GLRX3: variants seen among roughly 807,000 people sequenced by gnomAD.
GLRX3 encodes glutaredoxin-3.
A neutral mutation model predicts 49.5 loss-of-function variants in GLRX3; 22 were observed. That is an observed-to-expected ratio of 0.44 (90% CI 0.32 to 0.63). The LOEUF (loss-of-function observed/expected upper bound fraction) is 0.63. GLRX3 is among the 30% of genes least tolerant of loss of function. The pLI is 0.05. For synonymous variants in GLRX3, 133 were observed against 140.0 expected (o/e 0.95, Z 0.35); for missense variants, 385 against 396.3 (o/e 0.97, Z 0.24).
intron 1 of GLRX3, among the ~76,000 whole-genome samples, chr10:130,144,465 C>CCG (rs1862234022): frequency 6.6e-6 from 1 of 152,042 alleles, no homozygotes; most frequent in Non-Finnish European, 1.5e-5. Flanking sequence ...CCTTGCCCCC[C>CCG]ACCCCCTGAC....
chr10:130,176,788 C>T (rs1357765089), intron 10 of GLRX3, among the ~76,000 whole-genome samples: 3 of 136,316 alleles, frequency 2.2e-5, no homozygotes, highest in Non-Finnish European at 4.7e-5. Context: ...CTCTCTCTCT[C>T]TCTCTATATA....
At chr10:130,166,219 ATAACTT>A (rs1395728840) in intron 4 of GLRX3, among the ~76,000 whole-genome samples, 5 of 151,762 alleles carry the variant, frequency 3.3e-5, no homozygotes, top group African/African-American at 9.7e-5. Context: ...ATATTGAAGA[ATAACTT>A]TAATAAATAC....
chr10:130,161,016 C>A lies in GLRX3; in HGVS notation c.478+19C>A. 1 of 1,580,924 alleles carries A rather than the reference C, an allele frequency of 6.3e-7. No homozygotes were observed. Among genetic ancestry groups the A allele is most frequent in the Admixed American group, 1.7e-5 (1 of 59,972 alleles). ...CGCTGTGGTAAGAAGCTGCCTTTAACATAATATAAACAAAATGGGTGCTTT... is the reference window on the plus strand; with the variant it reads ...CGCTGTGGTAAGAAGCTGCCTTTAAAATAATATAAACAAAATGGGTGCTTT... On this transcript the variant is annotated intron_variant, in intron 4 of 10. Coordinates refer to ENST00000331244, the MANE Select transcript of GLRX3 (RefSeq NM_006541.5).
intron 10 of GLRX3, among the ~76,000 whole-genome samples, 157 bp downstream of exon 10, chr10:130,175,246 A>C (rs1420045628): frequency 6.6e-6 from 1 of 152,204 alleles, no homozygotes; most frequent in Non-Finnish European, 1.5e-5. Context: ...TTCTGTGTGC[A>C]TGACTACCCT....
At chr10:130,152,602 A>ATTATT (rs1157723956) in intron 2 of GLRX3, among the ~76,000 whole-genome samples, 1 of 152,062 alleles carries the variant, frequency 6.6e-6, no homozygotes, top group Non-Finnish European at 1.5e-5. Context: ...TGGGTTGAAA[A>ATTATT]TTCTTTAAGA....
At chr10:130,163,963 T>G (rs1198415180) in intron 4 of GLRX3, among the ~76,000 whole-genome samples, 2 of 152,252 alleles carry the variant, frequency 1.3e-5, no homozygotes, top group African/African-American at 4.8e-5. Flanking sequence ...TTGATGTTTG[T>G]TTTTTGATTA....
intron 4 of GLRX3, among the ~76,000 whole-genome samples, chr10:130,162,912 TGGA>T (rs1312747178): frequency 1.3e-5 from 2 of 152,182 alleles, no homozygotes; most frequent in African/African-American, 4.8e-5. Context: ...GAGCCAATCT[TGGA>T]GGGCCTTTTC....
At chr10:130,149,137 C>T (rs931054501) in intron 2 of GLRX3, among the ~76,000 whole-genome samples, 27 of 152,100 alleles carry the variant, frequency 1.8e-4, no homozygotes, top group African/African-American at 6.5e-4. Context: ...TTACCTGAGT[C>T]ACTGCCATGT....
chr10:130,162,223 G>T (rs1218107310), intron 4 of GLRX3, among the ~76,000 whole-genome samples: 2 of 152,112 alleles, frequency 1.3e-5, no homozygotes, highest in Non-Finnish European at 2.9e-5. Context: ...CAGGTGATCC[G>T]CCTGCCTTGG....
At chr10:130,164,730 A>G (rs1486235792) in intron 4 of GLRX3, among the ~76,000 whole-genome samples, 2 of 152,218 alleles carry the variant, frequency 1.3e-5, no homozygotes, top group African/African-American at 4.8e-5. Context: ...TGCCACTTTA[A>G]CTCTTAAAAA....
At chr10:130,144,712 C>T (rs7073897) in intron 1 of GLRX3, among the ~76,000 whole-genome samples, 32,846 of 152,138 alleles carry the variant, frequency 0.22, 3,877 homozygotes, top group South Asian at 0.3. Flanking sequence ...CTGTCATTGA[C>T]AGGCATTTGG....
intron 8 of GLRX3, among the ~76,000 whole-genome samples, chr10:130,174,539 A>G (rs545691221): frequency 6.6e-6 from 1 of 152,298 alleles, no homozygotes; most frequent in South Asian, 2.1e-4. Flanking sequence ...CAGTTGCAGC[A>G]GAGAGCAGAA....
chr10:130,171,327 T>C (rs1564999082), intron 7 of GLRX3, among the ~76,000 whole-genome samples: 1 of 152,102 alleles, frequency 6.6e-6, no homozygotes, highest in Non-Finnish European at 1.5e-5. Context: ...CCACAGAGAA[T>C]ATAAACTGTT....
intron 2 of GLRX3, among the ~76,000 whole-genome samples, chr10:130,150,510 T>C (rs1290097685): frequency 6.6e-6 from 1 of 152,210 alleles, no homozygotes; most frequent in Non-Finnish European, 1.5e-5. Flanking sequence ...GTACTTGCAT[T>C]TTATTTTCAT....
chr10:130,151,117 G>A (rs1339495399), intron 2 of GLRX3, among the ~76,000 whole-genome samples: 5 of 151,916 alleles, frequency 3.3e-5, no homozygotes, highest in African/African-American at 9.7e-5. Flanking sequence ...TAGTAGAGAC[G>A]GGGTTTCACC....
chr10:130,159,941 A>G, intron 2 of GLRX3, 54 bp from the exon 3 acceptor site: 1 of 1,313,178 alleles, frequency 7.6e-7, no homozygotes, highest in Non-Finnish European at 1.1e-6. Context: ...TTACATATTA[A>G]AGTAGTGAAA....
At chr10:130,140,280 A>C (rs1241413311) in intron 1 of GLRX3, among the ~76,000 whole-genome samples, 2 of 152,212 alleles carry the variant, frequency 1.3e-5, no homozygotes, top group Non-Finnish European at 2.9e-5. Flanking sequence ...ATTAGTCAGG[A>C]TTTGAATGTG....
intron 10 of GLRX3, among the ~76,000 whole-genome samples, chr10:130,176,484 C>T (rs577006756): frequency 6.6e-6 from 1 of 152,278 alleles, no homozygotes; most frequent in Non-Finnish European, 1.5e-5. Flanking sequence ...GAAATGACAT[C>T]AGCACTTTGG....
chr10:130,179,942 A>G (rs1448918165), downstream of GLRX3, among the ~76,000 whole-genome samples: 1 of 152,234 alleles, frequency 6.6e-6, no homozygotes, highest in African/African-American at 2.4e-5. Flanking sequence ...CTCATTTCAC[A>G]AGGCACCAGT....
Sources: allele counts gnomAD v4.1 joint callset (sites outside exome capture counted in the v4.1 genomes callset), GRCh38; gene constraint gnomAD v4.1.1; transcripts MANE v1.5; gene names NCBI Gene and HGNC (gene_info 2026-07-23, HGNC 2026-07-21).